The following CRYBG3 variants were observed in gnomAD, a reference collection of about 807,000 sequenced individuals.
CRYBG3 encodes crystallin beta-gamma domain containing 3.
In CRYBG3, 127 loss-of-function variants were observed where a neutral mutation model predicts 244.2. That is an observed-to-expected ratio of 0.52 (90% CI 0.45 to 0.60). The LOEUF (loss-of-function observed/expected upper bound fraction) is 0.60. CRYBG3 is among the 20% of genes least tolerant of loss of function. CRYBG3 has a pLI of 0.00. For missense variants in CRYBG3, 3,325 were observed against 3,442.5 expected, an observed-to-expected ratio of 0.97 and a Z score of 0.85; for synonymous variants, 1,132 against 1,195.8, an observed-to-expected ratio of 0.95 and a Z score of 1.10.
Position 97,881,082 on chromosome 3 carries a change from T to A in CRYBG3, c.7015T>A (p.Tyr2339Asn). ...IKVVRGCWILYEKPHFRGQKC... is the reference protein window; with the variant it reads ...IKVVRGCWILNEKPHFRGQKC... ...TTTCTCTTTGTTTAGCTGGATTTTATATGAGAAACCACATTTCCGAGGTCA... is the reference window on the plus strand; with the variant it reads ...TTTCTCTTTGTTTAGCTGGATTTTAAATGAGAAACCACATTTCCGAGGTCA... Residue 2339 changes from tyrosine (Y) to asparagine (N), a missense_variant, in exon 7 of 22, where the codon TAT (tyrosine) becomes AAT (asparagine). Transcript: ENST00000389622. 6.3e-7 allele frequency: 1 copy of A among 1,590,534 alleles called. No individual in the cohort carries two copies. Among genetic ancestry groups the A allele is most frequent in the East Asian group, 2.2e-5 (1 of 44,464 alleles).
chr3:97,833,039 T>C (rs114735258), intron 1 of CRYBG3, among the ~76,000 whole-genome samples: 106,568 of 152,068 alleles, frequency 0.7, 39,273 homozygotes, highest in East Asian at 0.82. Flanking sequence ...GTTAGAATGG[T>C]GATCATTAAA....
intron 1 of CRYBG3, among the ~76,000 whole-genome samples, chr3:97,831,324 A>T (rs2108155329): frequency 6.6e-6 from 1 of 152,296 alleles, no homozygotes; most frequent in Middle Eastern, 3.4e-3. Flanking sequence ...AATATGATTC[A>T]GTTAATGAAA....
At chr3:97,844,025 A>G (rs1270459792) in intron 2 of CRYBG3, among the ~76,000 whole-genome samples, 6 of 152,202 alleles carry the variant, frequency 3.9e-5, no homozygotes, top group Non-Finnish European at 5.9e-5. Flanking sequence ...CTTGGTCAGT[A>G]GAAAGACTGA....
At chr3:97,894,468 G>T (rs370282538) in intron 11 of CRYBG3, among the ~76,000 whole-genome samples, 2 of 152,024 alleles carry the variant, frequency 1.3e-5, no homozygotes, top group South Asian at 2.1e-4. Context: ...GTATCTGTAG[G>T]TAGCATGGAC....
chr3:97,901,307 G>T (rs2039704768), intron 15 of CRYBG3, among the ~76,000 whole-genome samples: 1 of 152,098 alleles, frequency 6.6e-6, no homozygotes, highest in Admixed American at 6.5e-5. Context: ...TTGTCAAAAA[G>T]CCAAATATAG....
At position 97,886,732 on chromosome 3, in the gene CRYBG3, C is replaced by T; in HGVS notation, c.7254C>T (p.Ile2418=). ...TCCCCAATTTGGAAGAACTGAATAT[C>T]TCCAAATCTGTGTCCTTCACTGTGA... is the stretch of plus-strand genomic sequence containing the variant. The part of the protein sequence containing the change: ...RAVPNLEELN[I]SKSVSFTVKS... The change falls in exon 8 of 22, where the codon ATC becomes ATT. Residue 2418 remains isoleucine, a synonymous_variant. Transcript: ENST00000389622. The T allele has an allele frequency of 6.2e-7, 1 of 1,611,208 alleles. No individual in the cohort carries two copies. Among genetic ancestry groups the T allele is most frequent in the Admixed American group, 1.7e-5 (1 of 59,428 alleles).
In CRYBG3 at chr3:97,864,291, G is replaced by C; in HGVS notation, c.291G>C (p.Lys97Asn). 2.0e-6 allele frequency: 3 copies of C among 1,535,458 alleles called. No individual in the cohort carries two copies. Among genetic ancestry groups the C allele is most frequent in the Non-Finnish European group, 1.7e-6 (2 of 1,146,622 alleles). ...VTLPVQEDPK[K>N]AYDLSSSTSD... ...TTCCAGTGCAGGAAGATCCCAAAAAGGCATATGATCTTTCCAGTTCCACTT... is the reference window on the plus strand; with the variant it reads ...TTCCAGTGCAGGAAGATCCCAAAAACGCATATGATCTTTCCAGTTCCACTT... Residue 97 changes from lysine to asparagine, a missense_variant, in exon 3 of 22, where the codon AAG becomes AAC. Coordinates refer to ENST00000389622, the MANE Select transcript of CRYBG3 (RefSeq NM_153605.4).
chr3:97,942,178 C>A, intron 20 of CRYBG3, 106 bp from the exon 21 acceptor site: 1 of 926,276 alleles, frequency 1.1e-6, no homozygotes, highest in Non-Finnish European at 1.6e-6. Context: ...ATAAGACACA[C>A]ACACACTTCA....
intron 2 of CRYBG3, among the ~76,000 whole-genome samples, chr3:97,857,526 G>A (rs1054379428): frequency 6.6e-6 from 1 of 151,350 alleles, no homozygotes; most frequent in African/African-American, 2.4e-5. Flanking sequence ...ATGTATCTGA[G>A]TGTTCCCGTC....
At chr3:97,881,268 T>C (rs746972960) in intron 7 of CRYBG3, 49 bp downstream of exon 7, 4 of 1,354,282 alleles carry the variant, frequency 3.0e-6, no homozygotes, top group Non-Finnish European at 4.1e-6. Context: ...ATTTATCATA[T>C]AGTAAACCTG....
At chr3:97,903,548 T>C (rs2039729314) in intron 15 of CRYBG3, among the ~76,000 whole-genome samples, 1 of 152,110 alleles carries the variant, frequency 6.6e-6, no homozygotes, top group African/African-American at 2.4e-5. Flanking sequence ...TGAGGGAGGC[T>C]CAAAGGGCTA....
At chr3:97,896,486 A>C (rs1876193) in intron 12 of CRYBG3, among the ~76,000 whole-genome samples, 36,677 of 152,098 alleles carry the variant, frequency 0.24, 4,753 homozygotes, top group Middle Eastern at 0.33. Context: ...CCCCACTTGA[A>C]TAGAGAGGGC....
At position 97,833,122 on chromosome 3, in the gene CRYBG3, A is replaced by C. The variant is rs183532671; in HGVS notation, c.150-10073A>C. On this transcript the variant is annotated intron_variant, in intron 1 of 21. Coordinates refer to ENST00000389622, the MANE Select transcript of CRYBG3 (RefSeq NM_153605.4). Reference sequence around the variant, plus strand: ...GCTTTTACAATGTTGGTGGGAGTGTAAATTAGGTTAACCATTGTGGAAGAC... The same window carrying C: ...GCTTTTACAATGTTGGTGGGAGTGTCAATTAGGTTAACCATTGTGGAAGAC... 4.5e-4 allele frequency among the ~76,000 whole-genome samples: 68 copies of C among 152,322 alleles called. No individual in the cohort carries two copies. In the Middle Eastern group the frequency reaches 0.014, roughly 30 times the overall value.
At chr3:97,939,293 GATT>G (rs1468744341) in intron 19 of CRYBG3, among the ~76,000 whole-genome samples, 1 of 151,990 alleles carries the variant, frequency 6.6e-6, no homozygotes, top group East Asian at 1.9e-4. Flanking sequence ...TATTTTAATA[GATT>G]ATTTTTCCTT....
chr3:97,824,696 C>G (rs764600864), intron 1 of CRYBG3, among the ~76,000 whole-genome samples: 1 of 152,132 alleles, frequency 6.6e-6, no homozygotes, highest in Non-Finnish European at 1.5e-5. Context: ...TATTGTATAT[C>G]CCAACTTAGG....
At chr3:97,864,786 G>C in intron 3 of CRYBG3, 139 bp downstream of exon 3, 1 of 637,010 alleles carries the variant, frequency 1.6e-6, no homozygotes, top group South Asian at 2.0e-5. Context: ...GAAATTGTAT[G>C]ATTCTCTGTA....
chr3:97,837,298 G>C (rs2038748210), intron 1 of CRYBG3, among the ~76,000 whole-genome samples: 1 of 152,080 alleles, frequency 6.6e-6, no homozygotes, highest in African/African-American at 2.4e-5. Flanking sequence ...CACGGGAGTT[G>C]GGTCAGGTGG....
intron 14 of CRYBG3, 142 bp from the exon 15 acceptor site, chr3:97,900,311 G>A (rs372117831): frequency 6.9e-5 from 40 of 578,704 alleles, no homozygotes; most frequent in African/African-American, 6.6e-4. Context: ...CTGTGCCACT[G>A]TACCCCAGCC....
At chr3:97,858,274 A>G (rs1232718640) in intron 2 of CRYBG3, among the ~76,000 whole-genome samples, 2 of 150,666 alleles carry the variant, frequency 1.3e-5, no homozygotes, top group African/African-American at 2.4e-5. Context: ...ATTCCTTTGT[A>G]TGAGACTTGA....
Sources: allele counts gnomAD v4.1 joint callset (sites outside exome capture counted in the v4.1 genomes callset), GRCh38; gene constraint gnomAD v4.1.1; transcripts MANE v1.5; gene names NCBI Gene and HGNC (gene_info 2026-07-23, HGNC 2026-07-21).